STS: variants seen among roughly 807,000 people sequenced by gnomAD.
STS encodes steryl-sulfatase.
In STS, 7 loss-of-function variants were observed where a neutral mutation model predicts 26.8. The observed-to-expected ratio is 0.26, with a 90% CI of 0.15 to 0.49. The LOEUF is 0.49. STS is among the 20% of genes least tolerant of loss of function. The probability of loss-of-function intolerance (pLI) is 0.98; values close to 1 mark genes in which losing one functional copy is unlikely to be tolerated. For missense variants in STS, 434 were observed against 465.6 expected (o/e 0.93, Z 0.63); for synonymous variants, 199 against 189.4 (o/e 1.05, Z -0.42).
At chrX:7,166,002 C>CTTTTT (rs777828028) in intron 1 of STS, among the ~76,000 whole-genome samples, 2 of 93,375 alleles carry the variant, frequency 2.1e-5, no homozygotes, top group African/African-American at 3.9e-5. Context: ...CTGTCGCTGT[C>CTTTTT]TTTTTTTTTT....
chrX:7,257,561 G>A lies in STS; in HGVS notation c.355G>A (p.Asp119Asn). ...DEITFAKLLK[D>N]QGYSTALIGK... is the part of the protein sequence containing the mutation. Reference sequence around the variant, plus strand: ...GATTACCTTTGCTAAGCTTCTGAAGGATCAAGGTTATTCAACAGCACTGAT... The same window carrying A: ...GATTACCTTTGCTAAGCTTCTGAAGAATCAAGGTTATTCAACAGCACTGAT... Residue 119 changes from aspartate to asparagine, a missense_variant, in exon 5 of 11, where the codon GAT becomes AAT. Asp to Asn is a conservative substitution (Grantham distance 23). Around this residue, in one of 2 missense-constraint regions of STS, gnomAD observed 229 missense variants for 288.3 expected, o/e 0.79. Transcript: ENST00000674429. 8.3e-7 allele frequency: 1 copy of A among 1,212,003 alleles called. No individual in the cohort carries two copies. The highest frequency in any genetic ancestry group is 3.0e-5 in the East Asian group (1 of 33,852).
At chrX:7,324,526 T>C (rs762894808) in intron 8 of STS, among the ~76,000 whole-genome samples, 11 of 111,741 alleles carry the variant, frequency 9.8e-5, no homozygotes, top group Admixed American at 2.9e-4. Flanking sequence ...CAAATAAATA[T>C]ATTTTGGGGT....
At chrX:7,296,453 A>G (rs1327825253) in intron 7 of STS, among the ~76,000 whole-genome samples, 2 of 112,198 alleles carry the variant, frequency 1.8e-5, no homozygotes, top group Non-Finnish European at 3.8e-5. Flanking sequence ...GCTAGTCTGA[A>G]TGCCCATGGC....
intron 1 of STS, among the ~76,000 whole-genome samples, chrX:7,151,298 A>G (rs1356000096): frequency 1.8e-5 from 2 of 111,400 alleles, no homozygotes; most frequent in African/African-American, 6.5e-5. Context: ...TAGGGGTACA[A>G]ATCTTGCCCA....
At chrX:7,320,054 TA>T (rs1476729223) in intron 8 of STS, among the ~76,000 whole-genome samples, 2 of 95,240 alleles carry the variant, frequency 2.1e-5, no homozygotes, top group African/African-American at 3.8e-5. Flanking sequence ...TATATATATT[TA>T]TATATATATT....
At chrX:7,261,170 G>T (rs1302797994) in intron 6 of STS, among the ~76,000 whole-genome samples, 1 of 111,840 alleles carries the variant, frequency 8.9e-6, no homozygotes, top group Non-Finnish European at 1.9e-5. Context: ...AAGAGAAATG[G>T]AAAGTTCATC....
At chrX:7,326,363 G>C (rs1927473120) in intron 9 of STS, among the ~76,000 whole-genome samples, 1 of 111,485 alleles carries the variant, frequency 9.0e-6, no homozygotes, top group African/African-American at 3.3e-5. Context: ...ATTCAGCCTT[G>C]GTCTTTCGGC....
chrX:7,284,750 G>A (rs772432390), intron 7 of STS, among the ~76,000 whole-genome samples: 24 of 112,377 alleles, frequency 2.1e-4, no homozygotes, highest in African/African-American at 7.8e-4. Context: ...AGAATTTCAT[G>A]TAAAATGTAA....
chrX:7,334,244 T>C (rs1927905235), intron 10 of STS, 137 bp downstream of exon 10: 1 of 909,988 alleles, frequency 1.1e-6, no homozygotes, highest in East Asian at 3.2e-5. Context: ...ATGCTTTGCT[T>C]TGTCCTCTTT....
intron 1 of STS, among the ~76,000 whole-genome samples, chrX:7,153,653 A>C (rs1201133494): frequency 8.7e-4 from 26 of 29,978 alleles, no homozygotes; most frequent in Admixed American, 3.2e-3. Context: ...GTCCTCCTCA[A>C]CTCCCTCCCT....
intron 2 of STS, among the ~76,000 whole-genome samples, chrX:7,234,929 TC>T (rs1922242882): frequency 1.8e-5 from 2 of 111,739 alleles, no homozygotes; most frequent in South Asian, 7.5e-4. Flanking sequence ...TTTCTTCAAA[TC>T]CCACCATCAT....
At chrX:7,247,045 G>A (rs1463946392) in intron 2 of STS, among the ~76,000 whole-genome samples, 2 of 112,198 alleles carry the variant, frequency 1.8e-5, no homozygotes, top group Admixed American at 9.4e-5. Flanking sequence ...ATATGTGTGT[G>A]TGTGTATGTG....
intron 8 of STS, among the ~76,000 whole-genome samples, chrX:7,319,320 T>A (rs1441092202): frequency 6.4e-5 from 7 of 110,087 alleles, no homozygotes; most frequent in Non-Finnish European, 1.1e-4. Context: ...GCTATTTTTT[T>A]AATTATTATT....
At position 7,329,235 on chromosome X, in the gene STS, T is replaced by C. The variant is rs1263356857; in HGVS notation, c.1241+3737T>C. Among the ~76,000 whole-genome samples, 4 of 112,224 alleles carry C rather than the reference T, an allele frequency of 3.6e-5. No individual in the cohort carries two copies. In the East Asian group the frequency reaches 1.1e-3, roughly 31 times the overall value. On this transcript the variant is annotated intron_variant, in intron 9 of 10. Coordinates refer to ENST00000674429, the MANE Select transcript of STS (RefSeq NM_001320752.2). Reference sequence around the variant, plus strand: ...TCCAGAAGACTTTGAATATCTAAAGTAGTGTTTTCCCCCAGGGGTCACTTA... The same window carrying C: ...TCCAGAAGACTTTGAATATCTAAAGCAGTGTTTTCCCCCAGGGGTCACTTA...
chrX:7,251,237 T>C (rs974424303), intron 2 of STS, among the ~76,000 whole-genome samples: 2 of 111,294 alleles, frequency 1.8e-5, no homozygotes, highest in South Asian at 7.5e-4. Flanking sequence ...CTGAGGTCCA[T>C]GAATGAGGAA....
chrX:7,208,825 C>A (rs1920970321), intron 2 of STS, among the ~76,000 whole-genome samples: 1 of 111,668 alleles, frequency 9.0e-6, no homozygotes, highest in African/African-American at 3.3e-5. Flanking sequence ...ATGGTGTGGG[C>A]AGGGCTGCTT....
chrX:7,217,659 G>A (rs1921364827), intron 2 of STS, among the ~76,000 whole-genome samples: 1 of 111,130 alleles, frequency 9.0e-6, no homozygotes, highest in South Asian at 3.9e-4. Context: ...GTTTTCCTAA[G>A]GAATCTGGTT....
chrX:7,253,044 G>C, intron 2 of STS, 152 bp from the exon 3 acceptor site: 2 of 602,600 alleles, frequency 3.3e-6, no homozygotes, highest in East Asian at 3.6e-5. Flanking sequence ...CCAGGTACTT[G>C]GGAGGCTGAG....
intron 10 of STS, among the ~76,000 whole-genome samples, chrX:7,345,119 C>T (rs754544511): frequency 3.6e-4 from 40 of 110,953 alleles, no homozygotes; most frequent in Non-Finnish European, 6.6e-4. Context: ...AATTTGTAGG[C>T]GATGTAGCAT....
Sources: gnomAD v4.1 joint callset for allele counts (sites outside exome capture counted in the v4.1 genomes callset) on GRCh38, gnomAD v4.1.1 for gene constraint, gnomAD v4.1.1 regional missense constraint, MANE v1.5 for transcripts, NCBI Gene and HGNC (gene_info 2026-07-23, HGNC 2026-07-21) for gene names.